Variants in ZNF420 observed in about 807,000 individuals in gnomAD.
ZNF420 encodes the protein zinc finger protein 420.
In ZNF420, 31 loss-of-function variants were observed where a neutral mutation model predicts 44.7. That is an observed-to-expected ratio of 0.69 (90% confidence interval 0.52 to 0.94). The LOEUF (loss-of-function observed/expected upper bound fraction) is 0.94. Among genes scored for constraint, ZNF420 ranks in the 40% least tolerant of loss-of-function variants. The pLI, the probability that ZNF420 is intolerant of heterozygous loss-of-function variation, is 0.00. For missense variants in ZNF420, 681 were observed against 827.9 expected (o/e 0.82, Z 2.18); for synonymous variants, 245 against 267.4 (o/e 0.92, Z 0.82).
At chr19:37,010,378 G>T (rs1006233269) in intron 1 of ZNF420, among the ~76,000 whole-genome samples, 4 of 152,084 alleles carry the variant, frequency 2.6e-5, no homozygotes, top group Non-Finnish European at 5.9e-5. Flanking sequence ...CCGTGATCTC[G>T]ACGACATGTC....
chr19:37,062,487 T>C (rs947789070), intron 1 of ZNF420, among the ~76,000 whole-genome samples: 2 of 152,228 alleles, frequency 1.3e-5, no homozygotes, highest in African/African-American at 4.8e-5. Context: ...GTGCAAACTA[T>C]ATAATGAATT....
intron 4 of ZNF420, chr19:37,107,812 T>C (rs1000820207): frequency 1.3e-5 from 2 of 151,530 alleles, no homozygotes; most frequent in Non-Finnish European, 2.9e-5. Flanking sequence ...AGCAACTCCA[T>C]GATTGCCTCA....
intron 1 of ZNF420, among the ~76,000 whole-genome samples, chr19:37,010,480 G>C (rs2074560631): frequency 6.6e-6 from 1 of 152,080 alleles, no homozygotes; most frequent in Admixed American, 6.5e-5. Flanking sequence ...GGGGCTATGT[G>C]TTTCTGTGCC....
intron 4 of ZNF420, chr19:37,106,589 TCCCAC>T: frequency 6.6e-6 from 1 of 152,280 alleles, no homozygotes; most frequent in Middle Eastern, 3.4e-3. Context: ...ACACCTGTAA[TCCCAC>T]CACTTTGGGA....
intron 1 of ZNF420, among the ~76,000 whole-genome samples, chr19:37,021,710 A>G (rs1403696517): frequency 1.3e-5 from 2 of 151,006 alleles, no homozygotes; most frequent in Non-Finnish European, 3.0e-5. Context: ...AGGCCAAGGC[A>G]TGGGGATCAC....
In ZNF420 at chr19:37,041,911, T is replaced by C. The variant is rs138516522; in HGVS notation, c.-125+33829T>C. Among the ~76,000 whole-genome samples, 35 of 152,348 alleles carry C rather than the reference T, an allele frequency of 2.3e-4. No individual in the cohort carries two copies. The East Asian group carries it at 4.0e-3, about 18-fold the overall frequency. On this transcript the variant is annotated intron_variant, in intron 1 of 4. Transcript: ENST00000587029. ...TTTCTTTGCTAAATTCAACTGTCAATATACATTTATTAACCTGATCACTTT... is the reference window on the plus strand; with the variant it reads ...TTTCTTTGCTAAATTCAACTGTCAACATACATTTATTAACCTGATCACTTT...
chr19:37,106,198 C>CTAA (rs1970074034), intron 4 of ZNF420, among the ~76,000 whole-genome samples: 1 of 152,122 alleles, frequency 6.6e-6, no homozygotes, highest in South Asian at 2.1e-4. Flanking sequence ...CCATCAATAC[C>CTAA]TAATTTATTG....
intron 1 of ZNF420, among the ~76,000 whole-genome samples, chr19:37,011,957 G>T (rs765621292): frequency 2.0e-5 from 3 of 152,318 alleles, no homozygotes; most frequent in Non-Finnish European, 4.4e-5. Flanking sequence ...GGGCTCATGT[G>T]TCAGTGAATT....
chr19:37,129,716 A>G lies in ZNF420; in HGVS notation c.*658A>G. 6.2e-6 allele frequency: 1 copy of G among 160,566 alleles called. No homozygotes were observed. Among genetic ancestry groups the G allele is most frequent in the South Asian group, 1.9e-4 (1 of 5,172 alleles). The allele number at this position is 160,566 out of a possible 1,614,324, so 9.9% of individuals were successfully genotyped here. On this transcript the variant is annotated 3_prime_UTR_variant, in exon 5 of 5. Coordinates refer to ENST00000337995, the MANE Select transcript of ZNF420 (RefSeq NM_144689.5). ...AGGAAATTCATACTGTTAAAAAAAA[A>G]AAAACCCAGTGGATATAATCAGTGT...
At chr19:37,079,747 C>T (rs565017374) in intron 1 of ZNF420, among the ~76,000 whole-genome samples, 78 of 152,192 alleles carry the variant, frequency 5.1e-4, no homozygotes, top group African/African-American at 1.4e-3. Flanking sequence ...ATGCTGTGCG[C>T]GGTGGCTCAC....
At chr19:37,103,348 A>T (rs1436230043) in intron 4 of ZNF420, among the ~76,000 whole-genome samples, 2 of 152,120 alleles carry the variant, frequency 1.3e-5, no homozygotes, top group African/African-American at 4.8e-5. Flanking sequence ...AGTTTTATCT[A>T]TCTTCCTATA....
At chr19:37,035,360 AT>A (rs535203022) in intron 1 of ZNF420, among the ~76,000 whole-genome samples, 17 of 152,086 alleles carry the variant, frequency 1.1e-4, no homozygotes, top group African/African-American at 3.6e-4. Context: ...TCAAGTTTAT[AT>A]TTTTTTTCCA....
intron 4 of ZNF420, among the ~76,000 whole-genome samples, chr19:37,111,315 T>C (rs1206858320): frequency 6.6e-6 from 1 of 152,216 alleles, no homozygotes; most frequent in East Asian, 1.9e-4. Flanking sequence ...GGGTCTCCTC[T>C]TAAGATAGAG....
intron 2 of ZNF420, among the ~76,000 whole-genome samples, chr19:37,087,940 C>T (rs999608351): frequency 6.6e-6 from 1 of 152,162 alleles, no homozygotes; most frequent in African/African-American, 2.4e-5. Flanking sequence ...CCACTGCACC[C>T]GGCCGATTTC....
At chr19:37,080,511 T>C (rs1413103102) in intron 2 of ZNF420, 123 bp downstream of exon 2, 3 of 152,568 alleles carry the variant, frequency 2.0e-5, no homozygotes, top group East Asian at 3.8e-4. Context: ...TTTTGGTAGA[T>C]TGAGAGCAAA....
At chr19:37,022,486 T>C (rs999638073) in intron 1 of ZNF420, among the ~76,000 whole-genome samples, 1 of 152,158 alleles carries the variant, frequency 6.6e-6, no homozygotes, top group African/African-American at 2.4e-5. Context: ...CTTGCTTGAG[T>C]TTATCCAGAA....
At chr19:37,100,748 T>A (rs1348921954) in intron 4 of ZNF420, among the ~76,000 whole-genome samples, 2 of 152,076 alleles carry the variant, frequency 1.3e-5, no homozygotes, top group African/African-American at 4.8e-5. Context: ...TTTGGGGACT[T>A]TTGTGGTTCC....
At chr19:37,065,438 T>TG (rs1967953441) in intron 1 of ZNF420, among the ~76,000 whole-genome samples, 1 of 152,210 alleles carries the variant, frequency 6.6e-6, no homozygotes, top group Non-Finnish European at 1.5e-5. Context: ...ATCAGAGAGA[T>TG]GCAATGTTTG....
At position 37,128,613 on chromosome 19, in the gene ZNF420, C is replaced by A; in HGVS notation, c.1622C>A (p.Ala541Glu). 1 of 1,613,312 alleles carries A rather than the reference C, an allele frequency of 6.2e-7. No homozygotes were observed. The highest frequency in any genetic ancestry group is 8.5e-7 in the Non-Finnish European group (1 of 1,179,752). Residue 541 changes from alanine to glutamate, a missense_variant, in exon 5 of 5, where the codon GCG becomes GAG. Transcript: ENST00000337995. The stretch of plus-strand genomic sequence containing the variant: ...TGTAATGAATGTGGAAAGGCCTTTG[C>A]GCGTGGCTTACTACTTATACAACAT... ...YVCNECGKAF[A>E]RGLLLIQHQR...
Sources: gnomAD v4.1 joint callset for allele counts (sites outside exome capture counted in the v4.1 genomes callset) on GRCh38, gnomAD v4.1.1 for gene constraint, MANE v1.5 for transcripts, NCBI Gene and HGNC (gene_info 2026-07-23, HGNC 2026-07-21) for gene names.